The following CPQ variants were observed in gnomAD, a reference collection of about 807,000 sequenced individuals.
CPQ encodes the protein Ser-Met dipeptidase.
Under a neutral mutation model 45.7 loss-of-function variants are expected in CPQ, and 37 were observed. That is an observed-to-expected ratio of 0.81 (90% CI 0.62 to 1.07). The LOEUF (loss-of-function observed/expected upper bound fraction) is 1.07. Among genes scored for constraint, CPQ ranks in the 50% least tolerant of loss-of-function variants. The pLI, the probability that CPQ is intolerant of heterozygous loss-of-function variation, is 0.00. For synonymous variants in CPQ, 186 were observed against 205.8 expected (o/e 0.90, Z 0.82); for missense variants, 537 against 572.9 (o/e 0.94, Z 0.64).
chr8:97,051,121 A>G (rs992371626), intron 6 of CPQ, among the ~76,000 whole-genome samples: 4 of 152,168 alleles, frequency 2.6e-5, no homozygotes, highest in African/African-American at 7.2e-5. Flanking sequence ...AACACTATGA[A>G]TGATCATCAT....
intron 1 of CPQ, among the ~76,000 whole-genome samples, chr8:96,712,783 C>G (rs1018815177): frequency 6.6e-6 from 1 of 152,042 alleles, no homozygotes; most frequent in Non-Finnish European, 1.5e-5. Context: ...CTCTGACATG[C>G]CCTGGAGACA....
intron 2 of CPQ, 81 bp from the exon 3 acceptor site, chr8:96,834,892 C>A: frequency 1.0e-5 from 12 of 1,183,924 alleles, no homozygotes; most frequent in Non-Finnish European, 1.5e-5. Context: ...GCAGAAAGAG[C>A]ATGTATGTGA....
intron 3 of CPQ, among the ~76,000 whole-genome samples, chr8:96,853,627 C>T (rs1002209293): frequency 6.6e-6 from 1 of 150,790 alleles, no homozygotes; most frequent in Admixed American, 6.6e-5. Context: ...AGCCTGTATA[C>T]TTTGGCTCTG....
At chr8:96,724,445 A>G (rs1031167392) in intron 1 of CPQ, among the ~76,000 whole-genome samples, 1 of 151,636 alleles carries the variant, frequency 6.6e-6, no homozygotes, top group Non-Finnish European at 1.5e-5. Flanking sequence ...TGTGCATAAC[A>G]TTCAAGCTGA....
chr8:97,072,681 C>T (rs1275429607), intron 7 of CPQ, among the ~76,000 whole-genome samples: 1 of 152,158 alleles, frequency 6.6e-6, no homozygotes, highest in Non-Finnish European at 1.5e-5. Context: ...TTCCTTGCCA[C>T]TGGACCTGCC....
rs79424797 is a variant in CPQ at position 97,029,426 on chromosome 8, C to A, written c.985C>A (p.Arg329=). The part of the protein sequence containing the change: ...DLGLRPKRTL[R]LVLWTAEEQG... ...AGGGCTGCGTCCAAAGAGGACTCTG[C>A]GGCTGGTGCTCTGGACTGCAGAAGA... The change falls in exon 6 of 8, where the codon CGG becomes AGG. Residue 329 remains arginine (R), a synonymous_variant. Transcript: ENST00000220763. 1.2e-3 allele frequency: 1,976 copies of A among 1,607,470 alleles called. 20 individuals carry two copies. In the African/African-American group the frequency reaches 0.022, roughly 18 times the overall value.
chr8:97,016,892 C>T (rs1241823082), intron 5 of CPQ, among the ~76,000 whole-genome samples: 1 of 152,134 alleles, frequency 6.6e-6, no homozygotes, highest in East Asian at 1.9e-4. Context: ...GATGGCAGAC[C>T]AGAAGCAAGA....
chr8:96,759,608 T>C (rs921393269), intron 1 of CPQ, among the ~76,000 whole-genome samples: 7 of 152,170 alleles, frequency 4.6e-5, no homozygotes, highest in African/African-American at 1.4e-4. Context: ...ATTATTTTAT[T>C]TGATACTCCC....
intron 1 of CPQ, among the ~76,000 whole-genome samples, chr8:96,717,779 G>A (rs1176898022): frequency 3.3e-5 from 5 of 152,242 alleles, no homozygotes; most frequent in Admixed American, 2.0e-4. Flanking sequence ...GGCTCTCCAC[G>A]TGTGGGCACA....
intron 4 of CPQ, among the ~76,000 whole-genome samples, chr8:96,926,620 CTT>C (rs1491272323): frequency 1.7e-4 from 24 of 145,396 alleles, no homozygotes; most frequent in Non-Finnish European, 2.8e-4. Flanking sequence ...TCTTCTTCTT[CTT>C]CTCCTCCTTC....
intron 7 of CPQ, among the ~76,000 whole-genome samples, chr8:97,123,091 A>AAAAT (rs1811766920): frequency 7.6e-6 from 1 of 131,020 alleles, no homozygotes; most frequent in South Asian, 2.3e-4. Flanking sequence ...TAAATAAAAT[A>AAAAT]AAATAAAATA....
chr8:97,039,675 T>C (rs1377532163), intron 6 of CPQ, among the ~76,000 whole-genome samples: 1 of 148,366 alleles, frequency 6.7e-6, no homozygotes, highest in Non-Finnish European at 1.5e-5. Context: ...GATGTTCCCC[T>C]TCCTGTGTCC....
At chr8:96,688,421 C>G (rs1390385675) in intron 1 of CPQ, among the ~76,000 whole-genome samples, 1 of 152,010 alleles carries the variant, frequency 6.6e-6, no homozygotes, top group Non-Finnish European at 1.5e-5. Context: ...TATGTTTAGG[C>G]CATGTGTAGT....
At chr8:96,923,416 G>C (rs1214852208) in intron 4 of CPQ, among the ~76,000 whole-genome samples, 2 of 152,098 alleles carry the variant, frequency 1.3e-5, no homozygotes, top group Admixed American at 1.3e-4. Context: ...TCTAGAACCT[G>C]TCCATTGGGA....
At chr8:96,862,577 G>A (rs1811940374) in intron 3 of CPQ, among the ~76,000 whole-genome samples, 1 of 152,036 alleles carries the variant, frequency 6.6e-6, no homozygotes, top group Non-Finnish European at 1.5e-5. Context: ...AGGGAATGAT[G>A]TGATTAGGGC....
At chr8:96,687,828 C>A (rs1041376740) in intron 1 of CPQ, among the ~76,000 whole-genome samples, 2 of 151,918 alleles carry the variant, frequency 1.3e-5, no homozygotes, top group African/African-American at 4.8e-5. Context: ...ACATTATGAG[C>A]ACAGATGTAT....
At chr8:96,741,431 G>A (rs555276945) in intron 1 of CPQ, among the ~76,000 whole-genome samples, 25 of 152,134 alleles carry the variant, frequency 1.6e-4, no homozygotes, top group African/African-American at 2.2e-4. Context: ...ACTAGCTCCC[G>A]GATTCGTTAA....
At chr8:96,877,296 G>A (rs1812159000) in intron 3 of CPQ, among the ~76,000 whole-genome samples, 2 of 152,298 alleles carry the variant, frequency 1.3e-5, no homozygotes, top group South Asian at 4.1e-4. Context: ...ATTAGAAGAT[G>A]CCTTTCAGTG....
At chr8:96,860,403 A>T (rs1167730217) in intron 3 of CPQ, among the ~76,000 whole-genome samples, 1 of 152,108 alleles carries the variant, frequency 6.6e-6, no homozygotes, top group Non-Finnish European at 1.5e-5. Context: ...TTCGCTTTTT[A>T]TTTATATTGG....
Sources: allele counts gnomAD v4.1 joint callset (sites outside exome capture counted in the v4.1 genomes callset), GRCh38; gene constraint gnomAD v4.1.1; transcripts MANE v1.5; gene names NCBI Gene and HGNC (gene_info 2026-07-23, HGNC 2026-07-21).